Variants in NRG1 observed in about 807,000 individuals in gnomAD.
NRG1 encodes the protein neuregulin 1, also known as pro-neuregulin-1, membrane-bound isoform.
In NRG1, 18 loss-of-function variants were observed where a neutral mutation model predicts 63.8. That is an observed-to-expected ratio of 0.28 (90% confidence interval 0.19 to 0.42). The LOEUF is 0.42. NRG1 is among the 10% of genes least tolerant of loss of function. The pLI is 1.00. For missense variants in NRG1, 762 were observed against 814.7 expected (o/e 0.94, Z 0.79); for synonymous variants, 302 against 301.3 (o/e 1.00, Z -0.02).
At chr8:32,108,227 T>TA (rs1831533725) in intron 1 of NRG1, among the ~76,000 whole-genome samples, 1 of 152,168 alleles carries the variant, frequency 6.6e-6, no homozygotes, top group South Asian at 2.1e-4. Context: ...GAATTAAAGT[T>TA]ACTATTTTAG....
intron 5 of NRG1, among the ~76,000 whole-genome samples, chr8:32,656,141 T>TATAC (rs1801438042): frequency 6.6e-6 from 1 of 152,120 alleles, no homozygotes; most frequent in South Asian, 2.1e-4. Flanking sequence ...TCTATGTGTG[T>TATAC]ATACATACAT....
chr8:31,779,388 G>A (rs1337927602), intron 1 of NRG1, among the ~76,000 whole-genome samples: 2 of 151,826 alleles, frequency 1.3e-5, no homozygotes, highest in Non-Finnish European at 2.9e-5. Context: ...GAAGCATTTT[G>A]CTACAGATTG....
chr8:32,123,195 G>A (rs766633753), intron 1 of NRG1, among the ~76,000 whole-genome samples: 14 of 151,710 alleles, frequency 9.2e-5, no homozygotes, highest in Non-Finnish European at 1.9e-4. Context: ...TTATTGATAG[G>A]GGTTGGCTGT....
intron 1 of NRG1, among the ~76,000 whole-genome samples, chr8:31,942,925 A>G (rs1311688323): frequency 6.6e-6 from 1 of 151,778 alleles, no homozygotes; most frequent in Non-Finnish European, 1.5e-5. Flanking sequence ...ATGCAATGAA[A>G]AGGGAACACT....
At chr8:32,358,115 T>C (rs1806697903) in intron 1 of NRG1, among the ~76,000 whole-genome samples, 1 of 152,140 alleles carries the variant, frequency 6.6e-6, no homozygotes. Context: ...AAGTTCCTTT[T>C]AGCTTTCCTG....
chr8:32,633,708 T>C (rs1370974154), intron 5 of NRG1, among the ~76,000 whole-genome samples: 1 of 152,146 alleles, frequency 6.6e-6, no homozygotes, highest in Non-Finnish European at 1.5e-5. Context: ...AGAATTTAAA[T>C]ATCACAGAAG....
chr8:32,114,999 G>A (rs953292740), intron 1 of NRG1, among the ~76,000 whole-genome samples: 2 of 151,912 alleles, frequency 1.3e-5, no homozygotes, highest in Non-Finnish European at 2.9e-5. Context: ...AGGCATTGGG[G>A]TGACAACCAC....
chr8:32,582,753 G>A (rs144150312), intron 1 of NRG1, among the ~76,000 whole-genome samples: 102 of 152,246 alleles, frequency 6.7e-4, no homozygotes, highest in African/African-American at 1.9e-3. Context: ...GTATAGCCCC[G>A]CTGAATAAGC....
At chr8:32,696,911 C>T (rs774162683) in intron 5 of NRG1, among the ~76,000 whole-genome samples, 27 of 152,282 alleles carry the variant, frequency 1.8e-4, no homozygotes, top group Non-Finnish European at 3.1e-4. Flanking sequence ...ATCCACCCAC[C>T]TCGACTTCCC....
chr8:32,297,869 CAT>C (rs1210797673), intron 1 of NRG1, among the ~76,000 whole-genome samples: 4 of 152,126 alleles, frequency 2.6e-5, no homozygotes, highest in Non-Finnish European at 5.9e-5. Context: ...AATCATATAA[CAT>C]TATTATTTTG....
chr8:31,924,282 C>T (rs1055764880), intron 1 of NRG1, among the ~76,000 whole-genome samples: 16 of 151,506 alleles, frequency 1.1e-4, no homozygotes, highest in Non-Finnish European at 1.5e-5. Flanking sequence ...ACCCAGGAGG[C>T]AGAGGTTGCA....
chr8:31,723,924 A>C (rs1410892186), intron 1 of NRG1, among the ~76,000 whole-genome samples: 1 of 152,160 alleles, frequency 6.6e-6, no homozygotes, highest in East Asian at 1.9e-4. Flanking sequence ...GAGAAGTTCA[A>C]GATTTCCCCA....
chr8:32,117,421 T>C (rs1832879763), intron 1 of NRG1, among the ~76,000 whole-genome samples: 1 of 151,448 alleles, frequency 6.6e-6, no homozygotes, highest in Non-Finnish European at 1.5e-5. Flanking sequence ...ACTTATTATT[T>C]CATCAGCTTA....
intron 3 of NRG1, among the ~76,000 whole-genome samples, chr8:32,612,557 T>A (rs189244677): frequency 1.8e-4 from 27 of 151,174 alleles, no homozygotes; most frequent in Admixed American, 1.5e-3. Context: ...TGTAGATGCC[T>A]CTTTGTAGTA....
At chr8:32,531,561 G>A (rs772375744) in intron 1 of NRG1, among the ~76,000 whole-genome samples, 5 of 152,130 alleles carry the variant, frequency 3.3e-5, no homozygotes, top group African/African-American at 7.2e-5. Context: ...TATGCAATTC[G>A]AATGGAAGAT....
At chr8:32,611,025 GT>G (rs1200685591) in intron 3 of NRG1, among the ~76,000 whole-genome samples, 1 of 152,084 alleles carries the variant, frequency 6.6e-6, no homozygotes, top group Non-Finnish European at 1.5e-5. Flanking sequence ...AACAAGCTTT[GT>G]GAAAACTCCT....
At chr8:32,069,380 G>T (rs966071324) in intron 1 of NRG1, among the ~76,000 whole-genome samples, 4 of 152,206 alleles carry the variant, frequency 2.6e-5, no homozygotes, top group Non-Finnish European at 5.9e-5. Context: ...AAGTATAATA[G>T]TACAGAATCA....
At chr8:32,016,843 A>G (rs897359795) in intron 1 of NRG1, among the ~76,000 whole-genome samples, 1 of 152,338 alleles carries the variant, frequency 6.6e-6, no homozygotes. Flanking sequence ...TAACAATAAA[A>G]TGATCCCAAT....
chr8:31,813,491 ATTTTCTTTTC>A (rs1193889989), intron 1 of NRG1, among the ~76,000 whole-genome samples: 3 of 114,954 alleles, frequency 2.6e-5, no homozygotes, highest in Non-Finnish European at 3.6e-5. Flanking sequence ...TGCTACAGGA[ATTTTCTTTTC>A]TTTTCTTTTC....
Sources: allele counts gnomAD v4.1 joint callset (sites outside exome capture counted in the v4.1 genomes callset), GRCh38; gene constraint gnomAD v4.1.1; transcripts MANE v1.5; gene names NCBI Gene and HGNC (gene_info 2026-07-23, HGNC 2026-07-21).